Variants in DAPP1 observed in about 807,000 individuals in gnomAD.
The protein encoded by DAPP1 is dual adaptor of phosphotyrosine and 3-phosphoinositides 1.
Under a neutral mutation model 41.5 loss-of-function variants are expected in DAPP1, and 20 were observed. The observed-to-expected ratio is 0.48, with a 90% CI of 0.34 to 0.70. The LOEUF (loss-of-function observed/expected upper bound fraction) is 0.70, where lower values mean the gene tolerates loss of function less well. DAPP1 is among the 30% of genes least tolerant of loss of function. DAPP1 has a pLI of 0.01. For missense variants in DAPP1, 233 were observed against 333.4 expected, an observed-to-expected ratio of 0.70 and a Z score of 2.35; for synonymous variants, 113 against 116.2, an observed-to-expected ratio of 0.97 and a Z score of 0.18.
At chr4:99,847,002 T>G (rs1723687172) in intron 3 of DAPP1, among the ~76,000 whole-genome samples, 3 of 152,242 alleles carry the variant, frequency 2.0e-5, no homozygotes, top group Admixed American at 2.0e-4. Context: ...GAACTCATTA[T>G]GCCAGTTGCA....
chr4:99,856,900 C>T (rs1485136199), intron 4 of DAPP1, among the ~76,000 whole-genome samples: 2 of 152,218 alleles, frequency 1.3e-5, no homozygotes, highest in Non-Finnish European at 1.5e-5. Context: ...AACCCTGAGC[C>T]TTGGGAACCC....
chr4:99,840,165 A>G (rs1029671750), intron 2 of DAPP1, 124 bp from the exon 3 acceptor site: 29 of 585,998 alleles, frequency 4.9e-5, no homozygotes, highest in Non-Finnish European at 7.5e-5. Flanking sequence ...CAGTGGTTTC[A>G]ATGATTGCCT....
Position 99,863,034 on chromosome 4 carries a change from C to G in DAPP1, c.562C>G (p.Leu188Val). The G allele has an allele frequency of 6.3e-7, 1 of 1,592,086 alleles. No individual in the cohort carries two copies. ...GACCTGGAAAACAAGATGGTTTACT[C>G]TGCACAGGAATGAACTGAAATACTT... is the stretch of plus-strand genomic sequence containing the variant. ...VKTWKTRWFT[L>V]HRNELKYFKD... Residue 188 changes from leucine (L) to valine (V), a missense_variant, in exon 6 of 9, where the codon CTG becomes GTG. Physicochemically the swap from Leu to Val is conservative, Grantham distance 32. Coordinates refer to ENST00000512369, the MANE Select transcript of DAPP1 (RefSeq NM_014395.3).
chr4:99,861,380 A>G (rs1424287404), intron 4 of DAPP1, among the ~76,000 whole-genome samples, 198 bp from the exon 5 acceptor site: 1 of 152,264 alleles, frequency 6.6e-6, no homozygotes, highest in African/African-American at 2.4e-5. Context: ...TAGGAGCTAC[A>G]GAATGATGCC....
rs558922536 is a variant in DAPP1, at chr4:99,867,807, A to G, written c.775-310A>G. On this transcript the variant is annotated intron_variant, in intron 8 of 8. Coordinates refer to ENST00000512369, the MANE Select transcript of DAPP1 (RefSeq NM_014395.3). ...TTATGAACATTTTTCCATATTATCA[A>G]TTTTAGATCTATATCTTCCTTTTAA... Among the ~76,000 whole-genome samples, 12 of 152,314 alleles carry G rather than the reference A, an allele frequency of 7.9e-5. No homozygotes were observed. In the South Asian group the frequency reaches 2.5e-3, roughly 32 times the overall value.
rs1406044019 is a variant in DAPP1, at chr4:99,864,036, A to T, written c.686+181A>T. 7.9e-5 allele frequency: 40 copies of T among 503,740 alleles called. 2 individuals carry two copies. Among genetic ancestry groups the T allele is most frequent in the South Asian group, 7.1e-4 (28 of 39,590 alleles). The allele number at this position is 503,740 out of a possible 1,614,324, so 31.2% of individuals were successfully genotyped here. On this transcript the variant is annotated intron_variant, in intron 7 of 8. Transcript: ENST00000512369. ...ACACCTCATTTAAAGTAGCTTAAAC[A>T]AACAGGCAGGTCAGCTCAGCTTATG...
At chr4:99,826,714 A>C (rs1331577298) in intron 1 of DAPP1, among the ~76,000 whole-genome samples, 5 of 152,220 alleles carry the variant, frequency 3.3e-5, no homozygotes, top group Admixed American at 6.5e-5. Context: ...CACCAAGCCC[A>C]TGTCCACTCC....
intron 1 of DAPP1, among the ~76,000 whole-genome samples, chr4:99,826,694 T>A (rs1722949401): frequency 6.6e-6 from 1 of 152,240 alleles, no homozygotes; most frequent in African/African-American, 2.4e-5. Flanking sequence ...GGCATTTGGT[T>A]GCCCATGCAC....
At chr4:99,857,731 CACACATAAA>C (rs1724096908) in intron 4 of DAPP1, among the ~76,000 whole-genome samples, 1 of 147,246 alleles carries the variant, frequency 6.8e-6, no homozygotes, top group Admixed American at 6.8e-5. Context: ...CACACACACA[CACACATAAA>C]ATAATGAGCT....
At chr4:99,851,534 G>GTTTTTTTTTTTTTTTT (rs537614787) in intron 3 of DAPP1, among the ~76,000 whole-genome samples, 22 of 77,792 alleles carry the variant, frequency 2.8e-4, no homozygotes, top group East Asian at 3.9e-4. Context: ...GTTTTGTGTA[G>GTTTTTTTTTTTTTTTT]TTTTTTTTTT....
At chr4:99,850,265 C>T (rs1031920898) in intron 3 of DAPP1, among the ~76,000 whole-genome samples, 4 of 151,974 alleles carry the variant, frequency 2.6e-5, no homozygotes, top group Non-Finnish European at 4.4e-5. Flanking sequence ...CGAAAATTGG[C>T]CCGGTGTGGT....
intron 4 of DAPP1, 77 bp downstream of exon 4, chr4:99,853,425 G>A (rs896717304): frequency 2.0e-6 from 3 of 1,501,038 alleles, no homozygotes; most frequent in African/African-American, 1.4e-5. Flanking sequence ...TAATAAGAGT[G>A]TATTTGTTCA....
intron 4 of DAPP1, among the ~76,000 whole-genome samples, chr4:99,857,699 T>C (rs1724092806): frequency 7.5e-6 from 1 of 133,552 alleles, no homozygotes; most frequent in Non-Finnish European, 1.6e-5. Context: ...TATGTATGTA[T>C]ATACACACAC....
At chr4:99,826,166 T>C (rs985495862) in intron 1 of DAPP1, among the ~76,000 whole-genome samples, 1 of 152,220 alleles carries the variant, frequency 6.6e-6, no homozygotes, top group Admixed American at 6.5e-5. Context: ...AGGCTAAGTA[T>C]AGGCTCAGCA....
At chr4:99,848,237 T>C (rs1411409287) in intron 3 of DAPP1, among the ~76,000 whole-genome samples, 1 of 150,332 alleles carries the variant, frequency 6.7e-6, no homozygotes, top group Non-Finnish European at 1.5e-5. Flanking sequence ...AGAATTTTTT[T>C]TTTTTTTTGT....
chr4:99,853,824 G>T (rs565541045), intron 4 of DAPP1, among the ~76,000 whole-genome samples: 1 of 151,956 alleles, frequency 6.6e-6, no homozygotes, highest in African/African-American at 2.4e-5. Flanking sequence ...GTCTCAAAAC[G>T]AACAAATGAA....
At chr4:99,853,505 A>T (rs1286238607) in intron 4 of DAPP1, among the ~76,000 whole-genome samples, 157 bp downstream of exon 4, 1 of 152,232 alleles carries the variant, frequency 6.6e-6, no homozygotes, top group Admixed American at 6.5e-5. Context: ...GACTCAGTTC[A>T]TCTGGTCCTG....
chr4:99,852,374 GTAGT>G (rs556112352), intron 3 of DAPP1, among the ~76,000 whole-genome samples: 7 of 152,270 alleles, frequency 4.6e-5, no homozygotes, highest in Admixed American at 4.6e-4. Context: ...GCCTCTTTTT[GTAGT>G]TAGTTTCTAG....
At chr4:99,855,487 C>G (rs952405447) in intron 4 of DAPP1, among the ~76,000 whole-genome samples, 3 of 152,150 alleles carry the variant, frequency 2.0e-5, no homozygotes, top group Admixed American at 6.5e-5. Context: ...TTTTCTCACT[C>G]CAGCTATCAG....
Sources: gnomAD v4.1 joint callset for allele counts (sites outside exome capture counted in the v4.1 genomes callset) on GRCh38, gnomAD v4.1.1 for gene constraint, MANE v1.5 for transcripts, NCBI Gene and HGNC (gene_info 2026-07-23, HGNC 2026-07-21) for gene names.